Variants in BRINP3 observed in about 807,000 individuals in gnomAD.
BRINP3 encodes BMP/retinoic acid inducible neural specific 3.
In BRINP3, 19 loss-of-function variants were observed where a neutral mutation model predicts 71.0. The observed-to-expected ratio is 0.27, with a 90% CI of 0.19 to 0.39. The LOEUF is 0.39. Among genes scored for constraint, BRINP3 ranks in the 10% least tolerant of loss-of-function variants. BRINP3 has a pLI of 1.00. For synonymous variants in BRINP3, 380 were observed against 337.7 expected (o/e 1.13, Z -1.37); for missense variants, 959 against 940.8 (o/e 1.02, Z -0.25).
At chr1:190,124,815 C>G (rs568953093) in intron 7 of BRINP3, among the ~76,000 whole-genome samples, 33 of 152,124 alleles carry the variant, frequency 2.2e-4, no homozygotes, top group Admixed American at 6.6e-4. Context: ...TTTTCATAAA[C>G]AACTCTGCAC....
intron 2 of BRINP3, among the ~76,000 whole-genome samples, chr1:190,388,386 G>C (rs1671047262): frequency 6.6e-6 from 1 of 151,780 alleles, no homozygotes; most frequent in Non-Finnish European, 1.5e-5. Flanking sequence ...TATGAAAATA[G>C]AGTATTTAGA....
At chr1:190,358,309 T>C (rs1363794406) in intron 2 of BRINP3, among the ~76,000 whole-genome samples, 5 of 151,876 alleles carry the variant, frequency 3.3e-5, no homozygotes, top group Middle Eastern at 3.2e-3. Flanking sequence ...CAAACAAATT[T>C]ACAAGAAAAA....
At chr1:190,430,606 T>C (rs1225732392) in intron 2 of BRINP3, among the ~76,000 whole-genome samples, 9 of 152,178 alleles carry the variant, frequency 5.9e-5, no homozygotes, top group Non-Finnish European at 1.2e-4. Context: ...CTAAATTGTA[T>C]AATTAAAATA....
At chr1:190,365,457 T>C (rs528538572) in intron 2 of BRINP3, among the ~76,000 whole-genome samples, 1 of 151,072 alleles carries the variant, frequency 6.6e-6, no homozygotes, top group South Asian at 2.1e-4. Flanking sequence ...TCATGGGAGA[T>C]AGGTATTAAA....
chr1:190,207,929 T>C (rs1002383992), intron 6 of BRINP3, among the ~76,000 whole-genome samples: 2 of 152,020 alleles, frequency 1.3e-5, no homozygotes, highest in African/African-American at 4.8e-5. Context: ...TCGCTCTAGG[T>C]AAAATGTGTA....
At chr1:190,293,794 GT>G (rs1447415403) in intron 2 of BRINP3, among the ~76,000 whole-genome samples, 1 of 152,052 alleles carries the variant, frequency 6.6e-6, no homozygotes, top group East Asian at 1.9e-4. Context: ...GCTTTTTACA[GT>G]TTTTGATTTA....
intron 7 of BRINP3, among the ~76,000 whole-genome samples, chr1:190,154,772 G>GA (rs1296547284): frequency 6.6e-6 from 1 of 152,096 alleles, no homozygotes; most frequent in Non-Finnish European, 1.5e-5. Flanking sequence ...TTGATTTGAG[G>GA]AAAATAACTT....
chr1:190,263,714 C>G (rs1661399907), intron 4 of BRINP3, among the ~76,000 whole-genome samples: 1 of 151,610 alleles, frequency 6.6e-6, no homozygotes, highest in Non-Finnish European at 1.5e-5. Context: ...CTCAGCCTCC[C>G]AGTAGCTGGG....
intron 6 of BRINP3, among the ~76,000 whole-genome samples, chr1:190,170,293 A>G (rs1651901220): frequency 6.6e-6 from 1 of 152,134 alleles, no homozygotes; most frequent in African/African-American, 2.4e-5. Flanking sequence ...ATATAAAAGG[A>G]AAGAATTTTA....
intron 2 of BRINP3, among the ~76,000 whole-genome samples, chr1:190,443,191 G>A (rs1218017058): frequency 1.3e-5 from 2 of 152,108 alleles, no homozygotes; most frequent in South Asian, 2.1e-4. Context: ...GAGCCACTGC[G>A]CCTGTCCAGC....
At chr1:190,146,220 A>G (rs1655876441) in intron 7 of BRINP3, among the ~76,000 whole-genome samples, 3 of 152,314 alleles carry the variant, frequency 2.0e-5, no homozygotes, top group African/African-American at 7.2e-5. Flanking sequence ...TTAAAAGAGC[A>G]TAAAAGTTCA....
chr1:190,258,419 TA>T (rs201882300), intron 4 of BRINP3, among the ~76,000 whole-genome samples: 10 of 147,114 alleles, frequency 6.8e-5, no homozygotes, highest in African/African-American at 2.0e-4. Context: ...ATTGGAAAAA[TA>T]AAAAAAAACA....
At position 190,339,031 on chromosome 1, in the gene BRINP3, A is replaced by AATAC. The variant is rs1380895736; in HGVS notation, c.237-57282_237-57281insGTAT. 1.2e-3 allele frequency among the ~76,000 whole-genome samples: 183 copies of AATAC among 151,216 alleles called. 4 individuals are homozygous for AATAC. In the East Asian group the frequency reaches 0.03, roughly 25 times the overall value. ...AAATAAATAAATAAATAAATAAATA[A>AATAC]ATAAATAAATAAATAAATAAAACAA... On this transcript the variant is annotated intron_variant, in intron 2 of 7. Transcript: ENST00000367462.
At chr1:190,155,748 AT>A (rs1656806170) in intron 7 of BRINP3, among the ~76,000 whole-genome samples, 1 of 151,980 alleles carries the variant, frequency 6.6e-6, no homozygotes, top group African/African-American at 2.4e-5. Flanking sequence ...ACAAGATCTG[AT>A]GTTTTAAAAG....
At chr1:190,131,832 C>A (rs981690062) in intron 7 of BRINP3, among the ~76,000 whole-genome samples, 1 of 151,996 alleles carries the variant, frequency 6.6e-6, no homozygotes, top group African/African-American at 2.4e-5. Flanking sequence ...TAAACTATAA[C>A]AGATACCAGA....
At chr1:190,297,240 T>G (rs1664318686) in intron 2 of BRINP3, among the ~76,000 whole-genome samples, 1 of 152,078 alleles carries the variant, frequency 6.6e-6, no homozygotes, top group African/African-American at 2.4e-5. Flanking sequence ...CCTATTCATA[T>G]ATGGTTATCT....
At chr1:190,443,785 C>A (rs1403295669) in intron 2 of BRINP3, among the ~76,000 whole-genome samples, 1 of 152,146 alleles carries the variant, frequency 6.6e-6, no homozygotes, top group East Asian at 1.9e-4. Context: ...GGCTTGGAAA[C>A]CAACCAATCA....
chr1:190,245,164 A>G (rs1659469710), intron 4 of BRINP3, among the ~76,000 whole-genome samples: 1 of 152,018 alleles, frequency 6.6e-6, no homozygotes, highest in Non-Finnish European at 1.5e-5. Context: ...AAAACTCAAC[A>G]GACTCAAGCA....
At chr1:190,101,117 C>T in intron 7 of BRINP3, among the ~76,000 whole-genome samples, 1 of 152,174 alleles carries the variant, frequency 6.6e-6, no homozygotes, top group East Asian at 1.9e-4. Context: ...CTCCAGAAAC[C>T]TGAACCAATA....
Sources: allele counts gnomAD v4.1 joint callset (sites outside exome capture counted in the v4.1 genomes callset), GRCh38; gene constraint gnomAD v4.1.1; transcripts MANE v1.5; gene names NCBI Gene and HGNC (gene_info 2026-07-23, HGNC 2026-07-21).